The following KMT2B variants were observed in gnomAD, a reference collection of about 807,000 sequenced individuals.
The protein encoded by KMT2B is histone-lysine N-methyltransferase 2B.
KMT2B carries 22 observed loss-of-function variants against 255.3 expected under a neutral mutation model. The observed-to-expected ratio is 0.09, with a 90% CI of 0.06 to 0.12. The LOEUF (loss-of-function observed/expected upper bound fraction) is 0.12. Ranked by LOEUF, KMT2B falls within the 10% of genes least tolerant of loss-of-function variation. KMT2B has a pLI of 1.00. For missense variants in KMT2B, 3,149 were observed against 3,737.0 expected (o/e 0.84, Z 4.10); for synonymous variants, 1,730 against 1,498.1 (o/e 1.15, Z -3.57).
rs559536654 is a variant in KMT2B, at chr19:35,734,631, G to A, written c.7159+759G>A. On this transcript the variant is annotated intron_variant, in intron 30 of 36. Transcript: ENST00000420124. ...AGGTAAAGGAGAGGAGGGAAAGCAGGTGTTTATGCAGAAACTGTAATACAT... is the reference window on the plus strand; with the variant it reads ...AGGTAAAGGAGAGGAGGGAAAGCAGATGTTTATGCAGAAACTGTAATACAT... Among the ~76,000 whole-genome samples, 62 of 152,320 alleles carry A rather than the reference G, an allele frequency of 4.1e-4. No individual in the cohort carries two copies. In the South Asian group the frequency reaches 9.3e-3, roughly 23 times the overall value.
In KMT2B at chr19:35,723,578, C is replaced by G. The variant is rs997488202; in HGVS notation, c.3058+76C>G. The stretch of plus-strand genomic sequence containing the variant: ...CTGTGGAGGGAGCTGTTTTTCTTTG[C>G]TCTCCTCCCTTGCAGCTCACCCTCT... On this transcript the variant is annotated intron_variant, in intron 7 of 36. Coordinates refer to ENST00000420124, the MANE Select transcript of KMT2B (RefSeq NM_014727.3). This position sits in a 1 kb window ranked among gnomAD's most constrained non-coding sequence, Gnocchi z 7.5. 1 of 1,393,258 alleles carries G rather than the reference C, an allele frequency of 7.2e-7. No individual in the cohort carries two copies. The highest frequency in any genetic ancestry group is 1.4e-5 in the African/African-American group (1 of 69,300). The allele number at this position is 1,393,258 out of a possible 1,614,324, so 86.3% of individuals were successfully genotyped here. A position where few individuals can be genotyped will look rare whatever the true frequency, so the allele number is the denominator to read the frequency against.
chr19:35,732,912 A>T lies in KMT2B; in HGVS notation c.6363A>T (p.Leu2121=). The T allele has an allele frequency of 3.7e-6, 6 of 1,609,492 alleles. No homozygotes were observed. The highest frequency in any genetic ancestry group is 5.1e-6 in the Non-Finnish European group (6 of 1,178,506). ...TTGTGGATTTTGTGTTGAAGAACCT[A>T]GGGGGTCCTGGGGATGGAGGTGCTG... is the stretch of plus-strand genomic sequence containing the variant. The part of the protein sequence containing the change: ...SEIVDFVLKN[L]GGPGDGGAGP... The change falls in exon 28 of 37, where the codon CTA becomes CTT. Residue 2121 remains leucine (L), a synonymous_variant. Coordinates refer to ENST00000420124, the MANE Select transcript of KMT2B (RefSeq NM_014727.3).
Position 35,723,540 on chromosome 19 carries a change from G to A in KMT2B, c.3058+38G>A. The A allele has an allele frequency of 6.5e-7, 1 of 1,536,412 alleles. No homozygotes were observed. The highest frequency in any genetic ancestry group is 8.8e-7 in the Non-Finnish European group (1 of 1,136,122). ...AAGGAGCATTTCTTCTCAAAACCGT[G>A]TTAGAGTTTGTGCTGTGGAGGGAGC... On this transcript the variant is annotated intron_variant, in intron 7 of 36. Coordinates refer to ENST00000420124, the MANE Select transcript of KMT2B (RefSeq NM_014727.3). This position sits in a 1 kb window ranked among gnomAD's most constrained non-coding sequence, Gnocchi z 7.5.
intron 26 of KMT2B, among the ~76,000 whole-genome samples, chr19:35,731,275 C>T (rs1243763988): frequency 6.6e-6 from 1 of 152,216 alleles, no homozygotes; most frequent in African/African-American, 2.4e-5. Flanking sequence ...CCAAACCGGC[C>T]CCCTTACAGC....
Position 35,721,295 on chromosome 19 carries a change from C to T in KMT2B, c.1948C>T (p.Pro650Ser). 6.5e-7 allele frequency: 1 copy of T among 1,543,490 alleles called. No homozygotes were observed. The highest frequency in any genetic ancestry group is 8.7e-7 in the Non-Finnish European group (1 of 1,145,132). The stretch of plus-strand genomic sequence containing the variant: ...CCGGAGGCCCCTACTCCTTCGGGCC[C>T]CTCAGTTTACCCCAAGCGAAGCCCA... Reference protein sequence around the residue: ...SSRRPLLLRAPQFTPSEAHLK... With the variant: ...SSRRPLLLRASQFTPSEAHLK... Residue 650 changes from proline (P) to serine (S), a missense_variant, in exon 3 of 37, where the codon CCT becomes TCT. Coordinates refer to ENST00000420124, the MANE Select transcript of KMT2B (RefSeq NM_014727.3).
chr19:35,726,914 G>A (rs1166651044), intron 14 of KMT2B, among the ~76,000 whole-genome samples: 1 of 151,476 alleles, frequency 6.6e-6, no homozygotes. Flanking sequence ...AACCCGGGAG[G>A]CGGAGGTTGC....
rs1283092599 is a variant in KMT2B at position 35,733,821 on chromosome 19, C to T, written c.7108C>T (p.Pro2370Ser). Residue 2370 changes from proline (P) to serine (S), a missense_variant, in exon 30 of 37, where the codon CCC becomes TCC. By Grantham distance (74) the Pro-to-Ser change is moderately conservative (BLOSUM62 -1). Transcript: ENST00000420124. This position sits in a 1 kb window ranked among gnomAD's most constrained non-coding sequence, Gnocchi z 4.3. ...PLPEDGPPQV[P>S]DGPPDLLLES... is the part of the protein sequence containing the mutation. ...TCCGGAAGATGGTCCTCCCCAGGTC[C>T]CCGATGGTCCCCCAGACCTGCTGCT... 3 of 1,613,752 alleles carry T rather than the reference C, an allele frequency of 1.9e-6. No individual in the cohort carries two copies. The highest frequency in any genetic ancestry group is 1.3e-5 in the African/African-American group (1 of 75,018).
Position 35,732,407 on chromosome 19 carries a change from C to T in KMT2B, c.5858C>T (p.Pro1953Leu). Residue 1953 changes from proline to leucine, a missense_variant, in exon 28 of 37, where the codon CCT becomes CTT. Pro to Leu is a moderately conservative substitution (Grantham distance 98). Transcript: ENST00000420124. ...PPTSVVTALT[P>L]TSGELAPPGP... ...ACCTCAGTCGTCACAGCCCTCACAC[C>T]TACCTCAGGGGAGCTGGCTCCCCCT... 6.2e-7 allele frequency: 1 copy of T among 1,613,604 alleles called. No individual in the cohort carries two copies.
chr19:35,723,914 A>C lies in KMT2B; in HGVS notation c.3241A>C (p.Lys1081Gln), dbSNP rs1157064131. The C allele has an allele frequency of 6.2e-7, 1 of 1,612,292 alleles. No homozygotes were observed. The highest frequency in any genetic ancestry group is 1.7e-5 in the Admixed American group (1 of 59,982). ...GCGCAAGTCAGCTCGGCGCTGCGTC[A>C]AACAGCGACCCTCCTATGATATCTT... ...LQRKSARRCV[K>Q]QRPSYDIFED... The change falls in exon 8 of 37, where the codon AAA becomes CAA. Residue 1081 changes from lysine (K) to glutamine (Q), a missense_variant. Around this residue, in one of 18 missense-constraint regions of KMT2B, gnomAD observed 136 missense variants for 137.3 expected, o/e 0.99. Coordinates refer to ENST00000420124, the MANE Select transcript of KMT2B (RefSeq NM_014727.3). The surrounding 1 kb of genome is among the most constrained non-coding windows in gnomAD (Gnocchi z 7.5).
chr19:35,730,209 C>G, intron 23 of KMT2B, 84 bp downstream of exon 23: 2 of 1,599,858 alleles, frequency 1.3e-6, no homozygotes. Context: ...CCAGGCCTGG[C>G]CCTACTGCCT....
chr19:35,719,398 A>T (rs1969090315), intron 1 of KMT2B, 71 bp from the exon 2 acceptor site: 1 of 1,114,250 alleles, frequency 9.0e-7, no homozygotes, highest in Non-Finnish European at 1.3e-6. Flanking sequence ...ATATTCCTCG[A>T]TACCTCAGAT....
At position 35,737,860 on chromosome 19, in the gene KMT2B, C is replaced by A. The variant is rs1308825327; in HGVS notation, c.7660C>A (p.Arg2554Ser). ...GGTGACACTGCTGTCCCTCACCAGACGTGCCACCAGCCTGGAGCTGCCCAT... is the reference window on the plus strand; with the variant it reads ...GGTGACACTGCTGTCCCTCACCAGAAGTGCCACCAGCCTGGAGCTGCCCAT... ...EDEVQLRSTR[R>S]ATSLELPMAM... is the part of the protein sequence containing the mutation. The change falls in exon 35 of 37, where the codon CGT becomes AGT. Residue 2554 changes from arginine to serine, a missense_variant and splice_region_variant. Physicochemically the swap from Arg to Ser is moderately radical, Grantham distance 110. This residue lies in a region of KMT2B where 103 missense variants were observed against 200.7 expected (regional missense o/e 0.51). Transcript: ENST00000420124. The surrounding 1 kb of genome is among the most constrained non-coding windows in gnomAD (Gnocchi z 5.3). 6.4e-7 allele frequency: 1 copy of A among 1,569,138 alleles called. No individual in the cohort carries two copies. The highest frequency in any genetic ancestry group is 1.2e-5 in the South Asian group (1 of 85,882).
chr19:35,730,258 G>C, intron 23 of KMT2B, 84 bp from the exon 24 acceptor site: 4 of 1,598,180 alleles, frequency 2.5e-6, no homozygotes, highest in Non-Finnish European at 2.6e-6. Context: ...AGGCCTTTAG[G>C]CCAAGCCCCT....
In KMT2B at chr19:35,728,903, G is replaced by A; in HGVS notation, c.4687+14G>A. 6.2e-7 allele frequency: 1 copy of A among 1,613,012 alleles called. No individual in the cohort carries two copies. The highest frequency in any genetic ancestry group is 1.3e-5 in the African/African-American group (1 of 75,016). On this transcript the variant is annotated intron_variant, in intron 20 of 36. Transcript: ENST00000420124. The stretch of plus-strand genomic sequence containing the variant: ...ATCCCTCAGCAGGTACTGGGAAGTG[G>A]GGGTCCAGAAGCCAGGGCCCTGTGT...
intron 26 of KMT2B, 43 bp from the exon 27 acceptor site, chr19:35,731,865 C>T (rs370865247): frequency 1.4e-6 from 2 of 1,443,538 alleles, no homozygotes; most frequent in African/African-American, 2.8e-5. Flanking sequence ...CAGGCTTTGA[C>T]ACAGAGCCCC....
In KMT2B at chr19:35,720,265, G is replaced by C. The variant is rs1476380759; in HGVS notation, c.918G>C (p.Lys306Asn). 8.1e-6 allele frequency: 13 copies of C among 1,613,000 alleles called. No homozygotes were observed. The highest frequency in any genetic ancestry group is 1.1e-5 in the Non-Finnish European group (13 of 1,179,674). Residue 306 changes from lysine to asparagine, a missense_variant, in exon 3 of 37, where the codon AAG (lysine) becomes AAC (asparagine). Physicochemically the swap from Lys to Asn is moderately conservative, Grantham distance 94. This residue lies in a region of KMT2B where 1,188 missense variants were observed against 1,106.4 expected (regional missense o/e 1.07). Coordinates refer to ENST00000420124, the MANE Select transcript of KMT2B (RefSeq NM_014727.3). ...GRGGGLPFVI[K>N]FVSRAKKVKM... ...GTGGTGGGCTCCCCTTTGTGATCAA[G>C]TTTGTTTCAAGGGCCAAAAAAGTAA...
chr19:35,734,887 C>T (rs1426089144), intron 30 of KMT2B, among the ~76,000 whole-genome samples: 4 of 152,126 alleles, frequency 2.6e-5, no homozygotes, highest in East Asian at 3.8e-4. Flanking sequence ...AGCAGAGTGA[C>T]GTGGATTGAG....
In KMT2B at chr19:35,738,562, G is replaced by A. The variant is rs372304961; in HGVS notation, c.*5G>A. On this transcript the variant is annotated 3_prime_UTR_variant, in exon 37 of 37. Transcript: ENST00000420124. This position sits in a 1 kb window ranked among gnomAD's most constrained non-coding sequence, Gnocchi z 8.7. ...TGCCGTCGGTTCCTTAACTGAGGCCGTGGCTGCCCACCACGACCCCTCACA... is the reference window on the plus strand; with the variant it reads ...TGCCGTCGGTTCCTTAACTGAGGCCATGGCTGCCCACCACGACCCCTCACA... The A allele has an allele frequency of 1.5e-4, 249 of 1,609,426 alleles. No individual in the cohort carries two copies. The highest frequency in any genetic ancestry group is 2.0e-4 in the Non-Finnish European group (231 of 1,176,646).
intron 30 of KMT2B, among the ~76,000 whole-genome samples, chr19:35,734,267 G>C (rs924075861): frequency 6.6e-6 from 1 of 152,042 alleles, no homozygotes; most frequent in East Asian, 1.9e-4. Context: ...CAGAAGAGTG[G>C]TGTCCCAGAG....
Sources: allele counts gnomAD v4.1 joint callset (sites outside exome capture counted in the v4.1 genomes callset), GRCh38; gene constraint gnomAD v4.1.1; regional missense constraint gnomAD v4.1.1; non-coding constraint Gnocchi (gnomAD v3.1); transcripts MANE v1.5; gene names NCBI Gene and HGNC (gene_info 2026-07-23, HGNC 2026-07-21).